The following LRRC69 variants were observed in gnomAD, a reference collection of about 807,000 sequenced individuals.
LRRC69 encodes leucine-rich repeat-containing protein 69.
Under a neutral mutation model 37.8 loss-of-function variants are expected in LRRC69, and 42 were observed. The observed-to-expected ratio is 1.11, with a 90% CI of 0.87 to 1.44. The LOEUF (loss-of-function observed/expected upper bound fraction) is 1.44. LRRC69 is among the 40% of genes most tolerant of loss of function. The pLI is 0.00. For missense variants in LRRC69, 357 were observed against 401.9 expected, an observed-to-expected ratio of 0.89 and a Z score of 0.96; for synonymous variants, 141 against 143.1, an observed-to-expected ratio of 0.99 and a Z score of 0.11.
rs1412265664 is a variant in LRRC69 at position 91,192,002 on chromosome 8, C to G, written c.753+2379C>G. Reference sequence around the variant, plus strand: ...CAATGCTATCCCTCCCCCCTCCCCCCACCCCACAACAGTCCCCAGAGTGTG... The same window carrying G: ...CAATGCTATCCCTCCCCCCTCCCCCGACCCCACAACAGTCCCCAGAGTGTG... On this transcript the variant is annotated intron_variant, in intron 6 of 7. Coordinates refer to ENST00000448384, the Ensembl canonical transcript of LRRC69. Among the ~76,000 whole-genome samples, 44 of 121,000 alleles carry G rather than the reference C, an allele frequency of 3.6e-4. 1 individual carries two copies. In the South Asian group the frequency reaches 0.014, roughly 39 times the overall value. The allele number at this position is 121,000 out of a possible 152,430, so 79.4% of individuals were successfully genotyped here.
intron 1 of LRRC69, among the ~76,000 whole-genome samples, chr8:91,110,121 T>A (rs995504100): frequency 6.6e-6 from 1 of 152,076 alleles, no homozygotes; most frequent in Admixed American, 6.6e-5. Context: ...GAACCTGACA[T>A]GTATATTATA....
intron 6 of LRRC69, among the ~76,000 whole-genome samples, chr8:91,199,518 C>A (rs1016515351): frequency 2.0e-5 from 3 of 151,782 alleles, no homozygotes; most frequent in African/African-American, 7.3e-5. Flanking sequence ...AATTTAATTT[C>A]TTTAAAATTA....
chr8:91,214,150 T>C (rs901872067), intron 7 of LRRC69, among the ~76,000 whole-genome samples: 2 of 151,912 alleles, frequency 1.3e-5, no homozygotes, highest in African/African-American at 4.8e-5. Flanking sequence ...TAAGGTGTGG[T>C]GGTGGAAAAG....
intron 2 of LRRC69, among the ~76,000 whole-genome samples, chr8:91,126,321 A>T (rs1327992504): frequency 6.6e-6 from 1 of 152,026 alleles, no homozygotes; most frequent in Non-Finnish European, 1.5e-5. Flanking sequence ...CCTGAGGCAG[A>T]GATTGCAAAC....
chr8:91,196,813 A>G lies in LRRC69; in HGVS notation c.754-3800A>G, dbSNP rs549650079. On this transcript the variant is annotated intron_variant, in intron 6 of 7. Transcript: ENST00000448384. ...GAATGTCCTCCCGTAGCTCAGAGTA[A>G]TTTGATCGTCTGAAGCCTTCTCTCA... Among the ~76,000 whole-genome samples the G allele has an allele frequency of 2.3e-3, 346 of 152,014 alleles. 1 individual carries two copies. Among genetic ancestry groups the G allele is most frequent in the African/African-American group, 8.1e-3 (335 of 41,472 alleles).
intron 5 of LRRC69, among the ~76,000 whole-genome samples, chr8:91,173,651 A>G (rs1809172540): frequency 6.6e-6 from 1 of 152,182 alleles, no homozygotes; most frequent in African/African-American, 2.4e-5. Context: ...TGAGTAATTT[A>G]TAAACAACAG....
At chr8:91,165,634 T>C (rs1586259627) in intron 5 of LRRC69, among the ~76,000 whole-genome samples, 1 of 151,760 alleles carries the variant, frequency 6.6e-6, no homozygotes, top group Non-Finnish European at 1.5e-5. Flanking sequence ...ATGAGAATTA[T>C]AGCTGATTCA....
At chr8:91,214,798 T>C (rs899495626) in intron 7 of LRRC69, among the ~76,000 whole-genome samples, 1 of 152,056 alleles carries the variant, frequency 6.6e-6, no homozygotes, top group Non-Finnish European at 1.5e-5. Flanking sequence ...CTTGGTGACT[T>C]GACAGAAATT....
intron 1 of LRRC69, chr8:91,118,205 T>C (rs1409116159): frequency 6.6e-6 from 3 of 455,414 alleles, no homozygotes; most frequent in Admixed American, 4.7e-5. Context: ...TCTAGGTGAC[T>C]TGTAAAATTT....
chr8:91,171,742 T>C (rs1359708362), intron 5 of LRRC69, among the ~76,000 whole-genome samples: 1 of 152,046 alleles, frequency 6.6e-6, no homozygotes, highest in East Asian at 1.9e-4. Flanking sequence ...CAGAGTGATG[T>C]AAATTTAATG....
intron 5 of LRRC69, among the ~76,000 whole-genome samples, chr8:91,173,458 T>A (rs1484875592): frequency 1.3e-5 from 2 of 152,204 alleles, no homozygotes; most frequent in Non-Finnish European, 1.5e-5. Context: ...GTTATCCTCT[T>A]ATCATTTCTA....
chr8:91,201,325 G>A (rs1012647692), intron 7 of LRRC69, among the ~76,000 whole-genome samples: 11 of 152,068 alleles, frequency 7.2e-5, no homozygotes, highest in Non-Finnish European at 1.3e-4. Context: ...TTCTCTAAGC[G>A]GCCAGATAGT....
chr8:91,185,494 A>G (rs1809393668), intron 5 of LRRC69, among the ~76,000 whole-genome samples: 1 of 152,150 alleles, frequency 6.6e-6, no homozygotes, highest in Non-Finnish European at 1.5e-5. Context: ...CAGATACTGA[A>G]GGATTATGAC....
At chr8:91,186,145 T>G (rs1042015560) in intron 5 of LRRC69, among the ~76,000 whole-genome samples, 12 of 152,220 alleles carry the variant, frequency 7.9e-5, no homozygotes, top group African/African-American at 2.2e-4. Context: ...CTGGCGTTTC[T>G]GAGAAGATAT....
At chr8:91,213,198 G>C (rs919010303) in intron 7 of LRRC69, among the ~76,000 whole-genome samples, 3 of 152,154 alleles carry the variant, frequency 2.0e-5, no homozygotes, top group African/African-American at 7.2e-5. Flanking sequence ...ATGCTGCTTA[G>C]CTGGGTGGCT....
intron 4 of LRRC69, among the ~76,000 whole-genome samples, chr8:91,134,056 TC>T (rs1813860609): frequency 6.6e-6 from 1 of 151,386 alleles, no homozygotes. Flanking sequence ...ATATTCACTT[TC>T]TGTCCTGCCT....
At chr8:91,116,370 C>T (rs374486836) in intron 1 of LRRC69, among the ~76,000 whole-genome samples, 5 of 152,100 alleles carry the variant, frequency 3.3e-5, no homozygotes, top group African/African-American at 1.2e-4. Flanking sequence ...CCCAAGATCA[C>T]ATATTCAGTA....
chr8:91,153,642 A>C (rs1280389318), intron 5 of LRRC69, among the ~76,000 whole-genome samples: 1 of 151,938 alleles, frequency 6.6e-6, no homozygotes, highest in Non-Finnish European at 1.5e-5. Flanking sequence ...TTAAGGCAGA[A>C]ATCAAAATGT....
intron 5 of LRRC69, among the ~76,000 whole-genome samples, chr8:91,149,488 C>T (rs1036545011): frequency 6.6e-6 from 1 of 151,932 alleles, no homozygotes; most frequent in Non-Finnish European, 1.5e-5. Flanking sequence ...GTTACTGTAG[C>T]CTTGTAGTAT....
Sources: gnomAD v4.1 joint callset for allele counts (sites outside exome capture counted in the v4.1 genomes callset) on GRCh38, gnomAD v4.1.1 for gene constraint, MANE v1.5 for transcripts, NCBI Gene and HGNC (gene_info 2026-07-23, HGNC 2026-07-21) for gene names.